The following ADAMTSL1 variants were observed in gnomAD, a reference collection of about 807,000 sequenced individuals.
The protein encoded by ADAMTSL1 is ADAMTS-like protein 1.
A neutral mutation model predicts 201.8 loss-of-function variants in ADAMTSL1; 126 were observed. The observed-to-expected ratio is 0.62, with a 90% confidence interval of 0.54 to 0.72. The LOEUF (loss-of-function observed/expected upper bound fraction) is 0.72, where lower values mean the gene tolerates loss of function less well. ADAMTSL1 is among the 30% of genes least tolerant of loss of function. ADAMTSL1 has a pLI of 0.00. For missense variants in ADAMTSL1, 2,679 were observed against 2,277.8 expected (o/e 1.18, Z -3.59); for synonymous variants, 1,121 against 903.4 (o/e 1.24, Z -4.32).
Position 18,525,894 on chromosome 9 carries a change from G to T in ADAMTSL1, c.192-7353G>T, listed in dbSNP as rs1254557397. On this transcript the variant is annotated intron_variant, in intron 2 of 28. Transcript: ENST00000380548. Reference sequence around the variant, plus strand: ...TGGTCAATTTTGGAATTAGTGCAATGTGGTTTCGAGAAGAACGTATATTCT... The same window carrying T: ...TGGTCAATTTTGGAATTAGTGCAATTTGGTTTCGAGAAGAACGTATATTCT... 2.6e-5 allele frequency among the ~76,000 whole-genome samples: 4 copies of T among 152,250 alleles called. No individual in the cohort carries two copies. In the East Asian group the frequency reaches 7.7e-4, roughly 29 times the overall value.
chr9:18,534,016 GT>G (rs1819606381), intron 3 of ADAMTSL1, among the ~76,000 whole-genome samples: 1 of 152,166 alleles, frequency 6.6e-6, no homozygotes, highest in Non-Finnish European at 1.5e-5. Context: ...CTGAGCACTA[GT>G]TTCACCAGAG....
At chr9:18,733,513 G>T (rs1281758603) in intron 15 of ADAMTSL1, among the ~76,000 whole-genome samples, 1 of 152,146 alleles carries the variant, frequency 6.6e-6, no homozygotes, top group African/African-American at 2.4e-5. Context: ...ACTAAGACAT[G>T]CAGAGAGGTG....
At chr9:18,065,150 T>C (rs1822638048) in intron 1 of ADAMTSL1, among the ~76,000 whole-genome samples, 1 of 152,032 alleles carries the variant, frequency 6.6e-6, no homozygotes. Flanking sequence ...TTTTTTCATG[T>C]TTAACTCCAA....
chr9:18,388,072 G>C (rs1467038824), intron 2 of ADAMTSL1, among the ~76,000 whole-genome samples: 4 of 151,764 alleles, frequency 2.6e-5, no homozygotes, highest in African/African-American at 9.7e-5. Flanking sequence ...AACAAAATTA[G>C]GCCTGTTTTA....
chr9:18,866,788 A>G (rs1057199742), intron 23 of ADAMTSL1, among the ~76,000 whole-genome samples: 21 of 152,190 alleles, frequency 1.4e-4, no homozygotes, highest in Non-Finnish European at 2.9e-4. Flanking sequence ...ATTTCAAGTA[A>G]CGGTCCAGAG....
intron 1 of ADAMTSL1, among the ~76,000 whole-genome samples, chr9:17,984,640 C>G (rs926346617): frequency 6.6e-6 from 1 of 152,060 alleles, no homozygotes; most frequent in Non-Finnish European, 1.5e-5. Flanking sequence ...GTGGAAACTC[C>G]TTAGTCCGAG....
chr9:18,464,541 A>C (rs527863285), intron 2 of ADAMTSL1, among the ~76,000 whole-genome samples: 3 of 152,366 alleles, frequency 2.0e-5, no homozygotes, highest in Admixed American at 1.3e-4. Context: ...TCTTACCAAA[A>C]TGTGAAACTT....
At chr9:17,986,270 G>C (rs952386506) in intron 1 of ADAMTSL1, among the ~76,000 whole-genome samples, 2 of 151,996 alleles carry the variant, frequency 1.3e-5, no homozygotes, top group African/African-American at 4.8e-5. Context: ...TTCTTTAACA[G>C]CCTTTCTGCA....
intron 2 of ADAMTSL1, among the ~76,000 whole-genome samples, chr9:18,515,034 G>GT (rs1818281299): frequency 6.6e-6 from 1 of 152,130 alleles, no homozygotes; most frequent in African/African-American, 2.4e-5. Flanking sequence ...TGATCATGTG[G>GT]TTTTTATTCC....
chr9:18,425,292 T>G (rs565464248), intron 2 of ADAMTSL1, among the ~76,000 whole-genome samples: 1 of 152,262 alleles, frequency 6.6e-6, no homozygotes, highest in East Asian at 1.9e-4. Flanking sequence ...TAGAGTAATG[T>G]GAGTTTTCAT....
chr9:18,099,326 A>AAC, intron 1 of ADAMTSL1, among the ~76,000 whole-genome samples: 1 of 57,590 alleles, frequency 1.7e-5, no homozygotes, highest in East Asian at 5.6e-4. Context: ...GCAAATGGAA[A>AAC]ATATATATAT....
rs796101917 is a variant in ADAMTSL1 at position 18,397,423 on chromosome 9, A to G, written c.208-107406A>G. On this transcript the variant is annotated intron_variant, in intron 2 of 29. Coordinates refer to the ADAMTSL1 transcript ENST00000680146. ...GATGCTGTTACATGCACTCCAAAAA[A>G]GAAAAAAAGCTCAAGATGAAAAATC... 3.9e-5 allele frequency among the ~76,000 whole-genome samples: 6 copies of G among 152,306 alleles called. No individual in the cohort carries two copies. In the East Asian group the frequency reaches 1.2e-3, roughly 29 times the overall value.
chr9:18,567,172 GT>G (rs1261357553), intron 3 of ADAMTSL1, among the ~76,000 whole-genome samples: 1 of 152,152 alleles, frequency 6.6e-6, no homozygotes, highest in Non-Finnish European at 1.5e-5. Context: ...CTGCTTTAAA[GT>G]TTTTGACTAG....
At chr9:18,037,399 A>G (rs796087498) in intron 1 of ADAMTSL1, among the ~76,000 whole-genome samples, 4 of 152,336 alleles carry the variant, frequency 2.6e-5, no homozygotes, top group African/African-American at 9.6e-5. Context: ...GAGCACAAAC[A>G]TCAGTCTGGA....
intron 4 of ADAMTSL1, chr9:18,574,623 A>G (rs774274684): frequency 5.4e-5 from 14 of 259,184 alleles, no homozygotes; most frequent in Non-Finnish European, 9.4e-5. Context: ...GTGTGTATTT[A>G]GAGACTGGAT....
intron 2 of ADAMTSL1, among the ~76,000 whole-genome samples, chr9:18,522,039 T>C (rs1412760571): frequency 6.6e-6 from 1 of 152,116 alleles, no homozygotes; most frequent in East Asian, 1.9e-4. Context: ...ACACACAGGG[T>C]CCAGTGGTTC....
intron 1 of ADAMTSL1, among the ~76,000 whole-genome samples, chr9:18,080,455 G>A (rs1242886201): frequency 6.6e-6 from 1 of 152,126 alleles, no homozygotes; most frequent in Non-Finnish European, 1.5e-5. Flanking sequence ...TTCTTAGAAC[G>A]GATGCACAAT....
chr9:18,684,800 C>A lies in ADAMTSL1; in HGVS notation c.1574C>A (p.Ser525Ter). The A allele has an allele frequency of 6.2e-7, 1 of 1,609,318 alleles. No individual in the cohort carries two copies. The highest frequency in any genetic ancestry group is 8.5e-7 in the Non-Finnish European group (1 of 1,178,072). The change falls in exon 13 of 29, where the codon TCG becomes TAG. Residue 525 changes from serine to a stop codon, truncating the protein, a stop_gained and splice_region_variant. Transcript: ENST00000380548. LOFTEE classifies it high-confidence loss of function. Reference protein sequence around the residue: ...EEGAAVSEEPSFIPEAWSACT... With the variant: ...EEGAAVSEEP ...GGAGCTGCTGTGTCAGAGGAGCCCT[C>A]GTAAGTTGTAAAAGCACAGACTGTT...
rs754516324 is a variant in ADAMTSL1, at chr9:18,753,349, A to C, written c.2058A>C (p.Leu686=). The change falls in exon 16 of 29, where the codon CTA becomes CTC. Residue 686 remains leucine, a synonymous_variant. Transcript: ENST00000380548. ...GTAGTCTCACATGTGGGGTCGGCCT[A>C]CAGACCAGAGACGTCTTCTGCAGCC... The part of the protein sequence containing the change: ...SPCSLTCGVG[L]QTRDVFCSHL... 6.2e-7 allele frequency: 1 copy of C among 1,612,510 alleles called. No homozygotes were observed. The highest frequency in any genetic ancestry group is 8.5e-7 in the Non-Finnish European group (1 of 1,179,464).
Sources: gnomAD v4.1 joint callset for allele counts (sites outside exome capture counted in the v4.1 genomes callset) on GRCh38, gnomAD v4.1.1 for gene constraint, MANE v1.5 for transcripts, NCBI Gene and HGNC (gene_info 2026-07-23, HGNC 2026-07-21) for gene names.